UFL1: variants seen among roughly 807,000 people sequenced by gnomAD.
UFL1 encodes UFM1 specific ligase 1.
UFL1 carries 78 observed loss-of-function variants against 99.3 expected under a neutral mutation model. The ratio of observed to expected loss-of-function variants is 0.79; its 90% CI spans 0.65 to 0.95. The LOEUF is 0.95. UFL1 is among the 40% of genes least tolerant of loss of function. The pLI, the probability that UFL1 is intolerant of heterozygous loss-of-function variation, is 0.00. For missense variants in UFL1, 936 were observed against 937.0 expected (o/e 1.00, Z 0.01); for synonymous variants, 335 against 322.2 (o/e 1.04, Z -0.42).
Position 96,553,692 on chromosome 6 carries a change from G to T in UFL1, c.*189G>T. 2.3e-6 allele frequency: 1 copy of T among 429,318 alleles called. No individual in the cohort carries two copies. The highest frequency in any genetic ancestry group is 4.0e-6 in the Non-Finnish European group (1 of 247,226). The allele number at this position is 429,318 out of a possible 1,614,324, so 26.6% of individuals were successfully genotyped here. On this transcript the variant is annotated 3_prime_UTR_variant, in exon 19 of 19. Transcript: ENST00000369278. ...AAAAAGATGTGAATTTTTGTAAATTGGGTTCTTCATGGAAGTTTTTTTCCA... is the reference window on the plus strand; with the variant it reads ...AAAAAGATGTGAATTTTTGTAAATTTGGTTCTTCATGGAAGTTTTTTTCCA...
At chr6:96,550,554 T>G (rs75629273) in intron 15 of UFL1, among the ~76,000 whole-genome samples, 1,724 of 152,088 alleles carry the variant, frequency 0.011, 36 homozygotes, top group African/African-American at 0.04. Context: ...ATAGGCGATA[T>G]AAGTTGTTTC....
chr6:96,539,740 ACT>A (rs1769904295), intron 10 of UFL1, among the ~76,000 whole-genome samples: 1 of 151,434 alleles, frequency 6.6e-6, no homozygotes, highest in Non-Finnish European at 1.5e-5. Flanking sequence ...TTAGTAAATG[ACT>A]CTTACTTTTA....
chr6:96,545,433 G>C (rs1769985944), intron 12 of UFL1, among the ~76,000 whole-genome samples: 2 of 150,652 alleles, frequency 1.3e-5, no homozygotes, highest in African/African-American at 4.9e-5. Flanking sequence ...ACTTATTTTT[G>C]TGAGAGCAAA....
In UFL1 at chr6:96,551,927, A is replaced by G; in HGVS notation, c.1985+4A>G. Reference sequence around the variant, plus strand: ...GGGGAGACAAAAAAAGGGAAAGGTAACATTAAATTAATCTATATTTGGAAA... The same window carrying G: ...GGGGAGACAAAAAAAGGGAAAGGTAGCATTAAATTAATCTATATTTGGAAA... On this transcript the variant is annotated splice_donor_region_variant and intron_variant, in intron 17 of 18. Transcript: ENST00000369278. The G allele has an allele frequency of 6.3e-7, 1 of 1,577,138 alleles. No individual in the cohort carries two copies.
chr6:96,545,548 A>G (rs1478753356), intron 12 of UFL1, among the ~76,000 whole-genome samples: 5 of 150,920 alleles, frequency 3.3e-5, no homozygotes, highest in East Asian at 3.9e-4. Flanking sequence ...GATTATAAAG[A>G]CTTTCCAAAG....
intron 1 of UFL1, among the ~76,000 whole-genome samples, chr6:96,522,685 T>C (rs540202361): frequency 2.6e-5 from 4 of 152,346 alleles, no homozygotes; most frequent in Non-Finnish European, 1.5e-5. Flanking sequence ...GTAAAAGTTA[T>C]GGTTTCACTA....
intron 12 of UFL1, among the ~76,000 whole-genome samples, chr6:96,544,988 A>C (rs1241802542): frequency 1.3e-5 from 2 of 151,076 alleles, no homozygotes; most frequent in East Asian, 3.9e-4. Context: ...CTCAGCTAAA[A>C]TATAGGATCA....
At chr6:96,529,511 C>T (rs4365934) in intron 6 of UFL1, among the ~76,000 whole-genome samples, 146,175 of 152,246 alleles carry the variant, frequency 0.96, 70,179 homozygotes, top group East Asian at 1. Flanking sequence ...GGATACTTTC[C>T]GTTTATTTGA....
chr6:96,544,457 CA>C, intron 12 of UFL1, among the ~76,000 whole-genome samples: 1 of 150,292 alleles, frequency 6.7e-6, no homozygotes, highest in Non-Finnish European at 1.5e-5. Context: ...TTTCCTCTTT[CA>C]CAGAATTCAT....
At chr6:96,523,107 C>T in intron 1 of UFL1, 39 bp from the exon 2 acceptor site, 1 of 1,569,040 alleles carries the variant, frequency 6.4e-7, no homozygotes, top group Non-Finnish European at 8.6e-7. Flanking sequence ...GCCAATGTCT[C>T]AAGTGGACTT....
chr6:96,546,558 A>G (rs1157196576), intron 12 of UFL1, among the ~76,000 whole-genome samples: 1 of 151,558 alleles, frequency 6.6e-6, no homozygotes, highest in African/African-American at 2.4e-5. Flanking sequence ...TGAATAGCCA[A>G]AGTATCCTAA....
intron 6 of UFL1, among the ~76,000 whole-genome samples, chr6:96,529,369 C>G (rs943927743): frequency 6.6e-6 from 1 of 152,176 alleles, no homozygotes; most frequent in African/African-American, 2.4e-5. Flanking sequence ...TTTGTTCCCT[C>G]TCTTAAAGTG....
intron 7 of UFL1, among the ~76,000 whole-genome samples, chr6:96,535,594 GGAGA>G (rs1316618781): frequency 1.2e-4 from 18 of 152,050 alleles, no homozygotes; most frequent in African/African-American, 2.7e-4. Flanking sequence ...ATACGGAAAT[GGAGA>G]AATAAGGAAA....
intron 1 of UFL1, among the ~76,000 whole-genome samples, chr6:96,522,412 G>C (rs1180506371): frequency 6.6e-6 from 1 of 152,064 alleles, no homozygotes; most frequent in African/African-American, 2.4e-5. Context: ...TTTATCTCTC[G>C]TAACAGACCT....
Position 96,549,804 on chromosome 6 carries a change from GT to G in UFL1, c.1818+7del, listed in dbSNP as rs1466998517. The G allele has an allele frequency of 9.3e-6, 15 of 1,610,750 alleles. No individual in the cohort carries two copies. In the Admixed American group the frequency reaches 2.5e-4, roughly 27 times the overall value. On this transcript the variant is annotated splice_donor_region_variant and intron_variant, in intron 15 of 18. Coordinates refer to ENST00000369278, the MANE Select transcript of UFL1 (RefSeq NM_015323.5). ...CCTGCAGCCATTACAAGTGAAGTAT[GT>G]TAATGATCTCCCTACCACTATTGAT...
At chr6:96,551,751 G>A (rs913748331) in intron 16 of UFL1, 87 bp from the exon 17 acceptor site, 6 of 945,282 alleles carry the variant, frequency 6.3e-6, no homozygotes, top group Non-Finnish European at 9.5e-6. Flanking sequence ...TATTTGGGAT[G>A]TAAAATTACA....
At chr6:96,523,532 A>G (rs1769656928) in intron 2 of UFL1, among the ~76,000 whole-genome samples, 1 of 152,208 alleles carries the variant, frequency 6.6e-6, no homozygotes, top group Non-Finnish European at 1.5e-5. Flanking sequence ...TATGTGTACT[A>G]TACATGAATT....
rs1769981224 is a variant in UFL1, at chr6:96,545,033, T to C, written c.1402+2017T>C. Among the ~76,000 whole-genome samples the C allele has an allele frequency of 2.0e-5, 3 of 151,088 alleles. No homozygotes were observed. The South Asian group carries it at 6.2e-4, about 31-fold the overall frequency. ...GAAAGATTACTAGAAGAAAATATAA[T>C]TTAATAACTTTGAAAATGCATAAAG... On this transcript the variant is annotated intron_variant, in intron 12 of 18. Transcript: ENST00000369278.
intron 15 of UFL1, among the ~76,000 whole-genome samples, chr6:96,550,541 C>A (rs950216761): frequency 6.6e-5 from 10 of 151,972 alleles, no homozygotes; most frequent in African/African-American, 2.4e-4. Context: ...TAGTCATTGC[C>A]TCATAGGCGA....
Sources: gnomAD v4.1 joint callset for allele counts (sites outside exome capture counted in the v4.1 genomes callset) on GRCh38, gnomAD v4.1.1 for gene constraint, MANE v1.5 for transcripts, NCBI Gene and HGNC (gene_info 2026-07-23, HGNC 2026-07-21) for gene names.